Variants in POU6F2 observed in about 807,000 individuals in gnomAD.
POU6F2 encodes the protein POU class 6 homeobox 2, also known as POU domain, class 6, transcription factor 2.
POU6F2 carries 31 observed loss-of-function variants against 71.3 expected under a neutral mutation model. The observed-to-expected ratio is 0.43, with a 90% CI of 0.33 to 0.59. POU6F2 has a LOEUF of 0.59. Among genes scored for constraint, POU6F2 ranks in the 20% least tolerant of loss-of-function variants. POU6F2 has a pLI of 0.04. For synonymous variants in POU6F2, 347 were observed against 355.7 expected (o/e 0.98, Z 0.27); for missense variants, 783 against 856.8 (o/e 0.91, Z 1.07).
chr7:39,066,798 G>A (rs1390812150), intron 1 of POU6F2, among the ~76,000 whole-genome samples: 7 of 149,554 alleles, frequency 4.7e-5, no homozygotes, highest in South Asian at 2.1e-4. Context: ...TATCTAAGAC[G>A]TTTTTGACAA....
chr7:39,014,882 G>A (rs1157915643), intron 1 of POU6F2, among the ~76,000 whole-genome samples: 1 of 151,876 alleles, frequency 6.6e-6, no homozygotes, highest in Non-Finnish European at 1.5e-5. Context: ...TTTCCTTTTG[G>A]CAAAAGTGGA....
At chr7:39,298,274 G>A (rs1784888894) in intron 4 of POU6F2, among the ~76,000 whole-genome samples, 1 of 152,052 alleles carries the variant, frequency 6.6e-6, no homozygotes. Flanking sequence ...ATCTGACAAA[G>A]GTCTAATATC....
chr7:39,156,949 A>C (rs1172175845), intron 2 of POU6F2, among the ~76,000 whole-genome samples: 1 of 152,174 alleles, frequency 6.6e-6, no homozygotes, highest in Non-Finnish European at 1.5e-5. Flanking sequence ...GGTTTTCTTC[A>C]TGGTCAAAAC....
intron 2 of POU6F2, among the ~76,000 whole-genome samples, chr7:39,146,292 G>C (rs1450395496): frequency 6.6e-6 from 1 of 152,108 alleles, no homozygotes; most frequent in Non-Finnish European, 1.5e-5. Context: ...CCAAGGCCTA[G>C]GGGACACAGG....
intron 1 of POU6F2, among the ~76,000 whole-genome samples, chr7:39,064,320 C>T (rs952790848): frequency 4.0e-5 from 6 of 151,788 alleles, no homozygotes; most frequent in African/African-American, 1.5e-4. Context: ...AGAAAGGGTG[C>T]TTCAATGATA....
chr7:39,285,802 T>G (rs778799348), intron 4 of POU6F2, among the ~76,000 whole-genome samples: 22 of 152,192 alleles, frequency 1.4e-4, no homozygotes, highest in Non-Finnish European at 2.6e-4. Context: ...AACTCCATGT[T>G]CCCCCATCTG....
chr7:39,145,001 C>T (rs190454657), intron 2 of POU6F2, among the ~76,000 whole-genome samples: 23 of 152,318 alleles, frequency 1.5e-4, no homozygotes, highest in African/African-American at 1.7e-4. Context: ...CTGCAATGAA[C>T]GCTTTCATTC....
At position 39,016,554 on chromosome 7, in the gene POU6F2, C is replaced by A. The variant is rs1789553028; in HGVS notation, c.105+38496C>A. On this transcript the variant is annotated intron_variant, in intron 1 of 9. Coordinates refer to ENST00000518318, the MANE Select transcript of POU6F2 (RefSeq NM_001370959.1). ...TTAAAAGGTTAAAAACAATATAGCT[C>A]CCCCCCCGCTTACAGTTCAGTAGAA... is the stretch of plus-strand genomic sequence containing the variant. Among the ~76,000 whole-genome samples, 4 of 150,334 alleles carry A rather than the reference C, an allele frequency of 2.7e-5. No individual in the cohort carries two copies. The Admixed American group carries it at 2.7e-4, about 10-fold the overall frequency.
At chr7:39,227,551 C>CTTT (rs34830334) in intron 4 of POU6F2, among the ~76,000 whole-genome samples, 89 of 109,020 alleles carry the variant, frequency 8.2e-4, no homozygotes, top group Non-Finnish European at 1.1e-3. Flanking sequence ...ACATTGGTAC[C>CTTT]TTTTTTTTTT....
At chr7:39,139,859 C>T (rs138761207) in intron 2 of POU6F2, among the ~76,000 whole-genome samples, 3 of 152,282 alleles carry the variant, frequency 2.0e-5, no homozygotes, top group East Asian at 1.9e-4. Flanking sequence ...TTGCACTTAA[C>T]GGCTATTCTG....
chr7:39,176,311 A>G (rs564169814), intron 2 of POU6F2, among the ~76,000 whole-genome samples: 3 of 152,322 alleles, frequency 2.0e-5, no homozygotes, highest in Middle Eastern at 6.8e-3. Flanking sequence ...ATGTTTTTCT[A>G]CATTATCCTT....
rs76356945 is a variant in POU6F2 at position 39,398,798 on chromosome 7, A to G, written c.973-7802A>G. Among the ~76,000 whole-genome samples, 758 of 152,354 alleles carry G rather than the reference A, an allele frequency of 5.0e-3. 5 individuals carry two copies. The highest frequency in any genetic ancestry group is 0.017 in the African/African-American group (715 of 41,574). On this transcript the variant is annotated intron_variant, in intron 5 of 9. Coordinates refer to ENST00000518318, the MANE Select transcript of POU6F2 (RefSeq NM_001370959.1). ...TTCCTAGAAGGAATACAATTATTACAGCAAAACTTATATGGGGCTTATTAT... is the reference window on the plus strand; with the variant it reads ...TTCCTAGAAGGAATACAATTATTACGGCAAAACTTATATGGGGCTTATTAT...
At chr7:39,067,155 A>G (rs1790773269) in intron 1 of POU6F2, among the ~76,000 whole-genome samples, 1 of 149,650 alleles carries the variant, frequency 6.7e-6, no homozygotes, top group Non-Finnish European at 1.5e-5. Flanking sequence ...GAATTTCATT[A>G]GAACTTACTT....
At chr7:39,074,147 G>C (rs183657276) in intron 1 of POU6F2, among the ~76,000 whole-genome samples, 43 of 152,218 alleles carry the variant, frequency 2.8e-4, no homozygotes, top group South Asian at 6.2e-4. Context: ...TCCAGAGTTC[G>C]AGACCAGCCA....
chr7:39,445,760 T>G lies in POU6F2; in HGVS notation c.1321-5773T>G, dbSNP rs115499620. Among the ~76,000 whole-genome samples the G allele has an allele frequency of 6.0e-4, 92 of 152,352 alleles. No homozygotes were observed. In the Middle Eastern group the frequency reaches 0.01, roughly 17 times the overall value. On this transcript the variant is annotated intron_variant, in intron 7 of 9. Coordinates refer to ENST00000518318, the MANE Select transcript of POU6F2 (RefSeq NM_001370959.1). Reference sequence around the variant, plus strand: ...TGCTCTTGTCCTGTCCACAGTAGAATGAATTCCTCAGTAAGGCTCAGGCAT... The same window carrying G: ...TGCTCTTGTCCTGTCCACAGTAGAAGGAATTCCTCAGTAAGGCTCAGGCAT...
intron 1 of POU6F2, among the ~76,000 whole-genome samples, chr7:38,991,979 T>G (rs1013522290): frequency 6.6e-6 from 1 of 152,044 alleles, no homozygotes; most frequent in South Asian, 2.1e-4. Flanking sequence ...TCAGAACAGG[T>G]GAAGAGTTGA....
intron 2 of POU6F2, among the ~76,000 whole-genome samples, chr7:39,172,563 T>A (rs1021712760): frequency 7.7e-5 from 11 of 142,614 alleles, no homozygotes; most frequent in African/African-American, 2.6e-4. Context: ...CCTTCATGTT[T>A]TAGAAAATTG....
intron 4 of POU6F2, among the ~76,000 whole-genome samples, chr7:39,311,765 T>C (rs1162685935): frequency 6.6e-6 from 1 of 152,040 alleles, no homozygotes; most frequent in African/African-American, 2.4e-5. Context: ...AGTTGTAAAA[T>C]AAAGGGACAA....
At chr7:39,012,699 T>G (rs1231111862) in intron 1 of POU6F2, among the ~76,000 whole-genome samples, 13 of 152,036 alleles carry the variant, frequency 8.6e-5, no homozygotes, top group Admixed American at 8.5e-4. Flanking sequence ...ACAGATGGGT[T>G]TTTGGTGTGG....
Sources: allele counts gnomAD v4.1 joint callset (sites outside exome capture counted in the v4.1 genomes callset), GRCh38; gene constraint gnomAD v4.1.1; transcripts MANE v1.5; gene names NCBI Gene and HGNC (gene_info 2026-07-23, HGNC 2026-07-21).